The following DPP6 variants were observed in gnomAD, a reference collection of about 807,000 sequenced individuals.
The protein encoded by DPP6 is A-type potassium channel modulatory protein DPP6.
DPP6 carries 69 observed loss-of-function variants against 122.6 expected under a neutral mutation model. The ratio of observed to expected loss-of-function variants is 0.56; its 90% CI spans 0.46 to 0.69. DPP6 has a LOEUF of 0.69. Ranked by LOEUF, DPP6 falls within the 30% of genes least tolerant of loss-of-function variation. The pLI is 0.00. For missense variants in DPP6, 928 were observed against 1,116.9 expected (o/e 0.83, Z 2.41); for synonymous variants, 418 against 433.1 (o/e 0.97, Z 0.43).
At chr7:154,007,448 G>T (rs371151697) in intron 1 of DPP6, among the ~76,000 whole-genome samples, 2 of 152,084 alleles carry the variant, frequency 1.3e-5, no homozygotes, top group East Asian at 3.9e-4. Flanking sequence ...GAAAACTCAG[G>T]TACCTACATT....
At chr7:153,755,637 T>C in the DPP6 span, among the ~76,000 whole-genome samples, 6 of 152,160 alleles carry the variant, frequency 3.9e-5, no homozygotes, top group African/African-American at 1.4e-4. Context: ...TCTGGGGCAT[T>C]TCATCCTATT....
intron 3 of DPP6, among the ~76,000 whole-genome samples, chr7:154,479,329 G>C (rs1403251950): frequency 6.6e-6 from 1 of 152,016 alleles, no homozygotes; most frequent in Admixed American, 6.6e-5. Context: ...AGGCCAAGGT[G>C]GGTGGATCAT....
intron 1 of DPP6, among the ~76,000 whole-genome samples, chr7:154,384,733 CTTTCT>C (rs1466888190): frequency 1.7e-5 from 2 of 116,768 alleles, no homozygotes; most frequent in Non-Finnish European, 3.5e-5. Flanking sequence ...TTCTTTCTTT[CTTTCT>C]TTTATTTTTT....
At chr7:154,621,019 G>A (rs1370727829) in intron 5 of DPP6, among the ~76,000 whole-genome samples, 1 of 152,130 alleles carries the variant, frequency 6.6e-6, no homozygotes, top group African/African-American at 2.4e-5. Context: ...ATTTATAGCT[G>A]AAAAGAAAAC....
intron 17 of DPP6, among the ~76,000 whole-genome samples, chr7:154,861,899 A>G (rs369241022): frequency 6.6e-6 from 1 of 152,144 alleles, no homozygotes; most frequent in Non-Finnish European, 1.5e-5. Flanking sequence ...ATGGAGAGAG[A>G]GGAGTCTTGT....
intron 1 of DPP6, among the ~76,000 whole-genome samples, chr7:154,386,051 A>G (rs1008786305): frequency 6.6e-6 from 1 of 152,190 alleles, no homozygotes; most frequent in African/African-American, 2.4e-5. Flanking sequence ...TGTGCTCAGG[A>G]AAAATGCTGC....
chr7:154,163,765 A>C (rs1383906576), intron 1 of DPP6, among the ~76,000 whole-genome samples: 1 of 152,186 alleles, frequency 6.6e-6, no homozygotes, highest in Non-Finnish European at 1.5e-5. Context: ...AGAAGGTTCC[A>C]GGATCTCTGG....
chr7:154,173,741 G>A (rs536063743), intron 1 of DPP6, among the ~76,000 whole-genome samples: 7 of 152,122 alleles, frequency 4.6e-5, no homozygotes, highest in African/African-American at 7.2e-5. Context: ...TATGGCCAAC[G>A]CAGACTCACC....
intron 1 of DPP6, among the ~76,000 whole-genome samples, chr7:154,141,389 G>A (rs190024774): frequency 6.8e-4 from 103 of 152,264 alleles, no homozygotes; most frequent in Non-Finnish European, 1.1e-3. Context: ...GCAGTGAAGG[G>A]GATGCCTTGC....
intron 1 of DPP6, among the ~76,000 whole-genome samples, chr7:154,383,558 A>G (rs563130276): frequency 6.6e-6 from 1 of 152,312 alleles, no homozygotes; most frequent in East Asian, 1.9e-4. Flanking sequence ...ATATGGTGGA[A>G]GATTTTTTTC....
chr7:153,916,828 T>C (rs1800348629), intron 1 of DPP6, among the ~76,000 whole-genome samples: 1 of 152,232 alleles, frequency 6.6e-6, no homozygotes, highest in Non-Finnish European at 1.5e-5. Flanking sequence ...TAAATTTTAT[T>C]ACTCTGTGTG....
chr7:154,064,088 T>C lies in DPP6; in HGVS notation c.243+11025T>C, dbSNP rs143539829. Among the ~76,000 whole-genome samples the C allele has an allele frequency of 2.0e-3, 306 of 152,136 alleles. 2 individuals carry two copies. Among genetic ancestry groups the C allele is most frequent in the African/African-American group, 6.1e-3 (253 of 41,540 alleles). On this transcript the variant is annotated intron_variant, in intron 1 of 25. Transcript: ENST00000377770. ...GCTGATCAGAGTGGGGAAAAGCCACTGAGTTGTTCAATGGTAGGACAAACA... is the reference window on the plus strand; with the variant it reads ...GCTGATCAGAGTGGGGAAAAGCCACCGAGTTGTTCAATGGTAGGACAAACA...
At chr7:154,353,054 C>T (rs926330941) in intron 1 of DPP6, among the ~76,000 whole-genome samples, 5 of 152,158 alleles carry the variant, frequency 3.3e-5, no homozygotes, top group Non-Finnish European at 5.9e-5. Flanking sequence ...TAGCCGTGGC[C>T]CCTGGGCCAG....
chr7:154,493,282 G>C (rs1824445798), intron 3 of DPP6, among the ~76,000 whole-genome samples: 1 of 152,150 alleles, frequency 6.6e-6, no homozygotes, highest in African/African-American at 2.4e-5. Context: ...GTTGGATAAG[G>C]GTCATTTTGT....
chr7:154,012,493 T>A lies in DPP6; in HGVS notation c.51+124759T>A, dbSNP rs1376321675. Among the ~76,000 whole-genome samples, 5 of 152,168 alleles carry A rather than the reference T, an allele frequency of 3.3e-5. No homozygotes were observed. In the East Asian group the frequency reaches 9.6e-4, roughly 29 times the overall value. The stretch of plus-strand genomic sequence containing the variant: ...GGGCATTTTTGAAATTAAAAACTTT[T>A]GTGCATCAAACACCATTAAGGAAAT... On this transcript the variant is annotated intron_variant, in intron 1 of 25. Coordinates refer to the DPP6 transcript ENST00000404039.
At chr7:154,467,879 A>AAAAAAG (rs1400772663) in intron 2 of DPP6, among the ~76,000 whole-genome samples, 2 of 152,116 alleles carry the variant, frequency 1.3e-5, no homozygotes, top group Non-Finnish European at 2.9e-5. Flanking sequence ...CACACATTTA[A>AAAAAAG]GCTCTTCAAA....
chr7:154,685,966 C>G (rs1230827453), intron 7 of DPP6, among the ~76,000 whole-genome samples: 3 of 152,148 alleles, frequency 2.0e-5, no homozygotes, highest in Non-Finnish European at 4.4e-5. Flanking sequence ...TAAAAGAAAG[C>G]CTGCCATGAT....
At chr7:153,798,864 G>A in the DPP6 span, among the ~76,000 whole-genome samples, 1 of 152,134 alleles carries the variant, frequency 6.6e-6, no homozygotes, top group African/African-American at 2.4e-5. Context: ...TAAGGATCAG[G>A]TATTAGATTC....
chr7:154,541,474 C>T (rs1048307000), intron 4 of DPP6, among the ~76,000 whole-genome samples: 6 of 152,074 alleles, frequency 3.9e-5, no homozygotes, highest in South Asian at 2.1e-4. Context: ...TGTTCATGTA[C>T]GGTTAAAGAT....
Sources: gnomAD v4.1 joint callset for allele counts (sites outside exome capture counted in the v4.1 genomes callset) on GRCh38, gnomAD v4.1.1 for gene constraint, MANE v1.5 for transcripts, NCBI Gene and HGNC (gene_info 2026-07-23, HGNC 2026-07-21) for gene names.